Variants in SCD5 observed in about 807,000 individuals in gnomAD.
SCD5 encodes acyl-CoA-desaturase 4.
A neutral mutation model predicts 30.4 loss-of-function variants in SCD5; 20 were observed. That is an observed-to-expected ratio of 0.66 (90% confidence interval 0.46 to 0.96). The LOEUF (loss-of-function observed/expected upper bound fraction) is 0.96, where lower values mean the gene tolerates loss of function less well. Ranked by LOEUF, SCD5 falls within the 40% of genes least tolerant of loss-of-function variation. The probability of loss-of-function intolerance (pLI) is 0.00; values close to 1 mark genes in which losing one functional copy is unlikely to be tolerated. For missense variants in SCD5, 381 were observed against 443.3 expected (o/e 0.86, Z 1.26); for synonymous variants, 173 against 176.4 (o/e 0.98, Z 0.16).
In SCD5 at chr4:82,746,036, T is replaced by C. The variant is rs145922856; in HGVS notation, c.233-40623A>G. Among the ~76,000 whole-genome samples the C allele has an allele frequency of 6.8e-3, 1,029 of 152,364 alleles. 16 individuals carry two copies. The highest frequency in any genetic ancestry group is 0.024 in the African/African-American group (979 of 41,574). On this transcript the variant is annotated intron_variant, in intron 1 of 4. Coordinates refer to ENST00000319540, the MANE Select transcript of SCD5 (RefSeq NM_001037582.3). ...AATGACTTAATATCTATAAAGGGCA[T>C]AGAGCAGTGCCTGGCTCACAATAAG...
At chr4:82,656,861 G>A (rs2148815898) in intron 3 of SCD5, among the ~76,000 whole-genome samples, 1 of 152,152 alleles carries the variant, frequency 6.6e-6, no homozygotes, top group East Asian at 1.9e-4. Context: ...GTGATAATGA[G>A]CTTTTTTTCA....
At chr4:82,653,283 G>C (rs1171930190) in intron 3 of SCD5, among the ~76,000 whole-genome samples, 1 of 152,154 alleles carries the variant, frequency 6.6e-6, no homozygotes, top group Non-Finnish European at 1.5e-5. Flanking sequence ...CTCTTTTCCT[G>C]GTAGTTGGTG....
chr4:82,777,702 T>A (rs533170755), intron 1 of SCD5, among the ~76,000 whole-genome samples: 1 of 152,288 alleles, frequency 6.6e-6, no homozygotes, highest in African/African-American at 2.4e-5. Flanking sequence ...TGGGAAAGTA[T>A]CTTGGTCGCC....
intron 1 of SCD5, among the ~76,000 whole-genome samples, chr4:82,765,032 AT>A (rs1176242856): frequency 6.6e-6 from 1 of 152,140 alleles, no homozygotes; most frequent in African/African-American, 2.4e-5. Flanking sequence ...CGGCTAAGAT[AT>A]TTTTAAAATA....
At chr4:82,688,634 G>T (rs1275913645) in intron 2 of SCD5, among the ~76,000 whole-genome samples, 2 of 152,144 alleles carry the variant, frequency 1.3e-5, no homozygotes, top group Non-Finnish European at 2.9e-5. Flanking sequence ...CACACCACCT[G>T]GCAAATTGTG....
chr4:82,794,239 A>C lies in SCD5; in HGVS notation c.232+4067T>G, dbSNP rs886847976. Among the ~76,000 whole-genome samples, 17 of 152,356 alleles carry C rather than the reference A, an allele frequency of 1.1e-4. No individual in the cohort carries two copies. In the East Asian group the frequency reaches 3.1e-3, roughly 28 times the overall value. On this transcript the variant is annotated intron_variant, in intron 1 of 4. Transcript: ENST00000319540. ...CTTAACAATGGTCACGTTTGCGCCAAGACAGGATAGAAGGATGGCTGATCT... is the reference window on the plus strand; with the variant it reads ...CTTAACAATGGTCACGTTTGCGCCACGACAGGATAGAAGGATGGCTGATCT...
chr4:82,636,863 A>G, intron 3 of SCD5, 40 bp from the exon 4 acceptor site: 1 of 1,520,848 alleles, frequency 6.6e-7, no homozygotes, highest in East Asian at 2.4e-5. Flanking sequence ...GGACCCGCTG[A>G]TGGGAGAGAG....
At chr4:82,796,092 A>C (rs1394350508) in intron 1 of SCD5, among the ~76,000 whole-genome samples, 1 of 151,838 alleles carries the variant, frequency 6.6e-6, no homozygotes. Flanking sequence ...AACACGGTGA[A>C]ACCCCATCTC....
At chr4:82,679,004 C>A (rs1206775315) in intron 3 of SCD5, among the ~76,000 whole-genome samples, 1 of 151,660 alleles carries the variant, frequency 6.6e-6, no homozygotes, top group Non-Finnish European at 1.5e-5. Flanking sequence ...TCAAGACCAG[C>A]CTGGCCAATA....
intron 1 of SCD5, among the ~76,000 whole-genome samples, chr4:82,732,965 T>G (rs903500747): frequency 6.6e-6 from 1 of 151,882 alleles, no homozygotes; most frequent in Non-Finnish European, 1.5e-5. Context: ...AAAGAGGAGG[T>G]GGAGTGGTTC....
intron 4 of SCD5, among the ~76,000 whole-genome samples, chr4:82,634,362 CA>C (rs35974252): frequency 0.26 from 39,464 of 151,766 alleles, 6,053 homozygotes; most frequent in African/African-American, 0.43. Flanking sequence ...TACTAGTCAT[CA>C]CATAGTTCTG....
chr4:82,658,547 A>ACCTCTGC (rs1727914866), intron 3 of SCD5, among the ~76,000 whole-genome samples: 1 of 142,052 alleles, frequency 7.0e-6, no homozygotes, highest in Non-Finnish European at 1.5e-5. Context: ...GCTCACTGCA[A>ACCTCTGC]CCTCTGCCTC....
intron 1 of SCD5, among the ~76,000 whole-genome samples, chr4:82,754,054 G>C (rs548904258): frequency 6.6e-6 from 1 of 152,100 alleles, no homozygotes; most frequent in African/African-American, 2.4e-5. Context: ...AGACTCGCCC[G>C]AAAAATGAGA....
chr4:82,700,203 T>A (rs1380323965), intron 2 of SCD5, among the ~76,000 whole-genome samples: 1 of 151,342 alleles, frequency 6.6e-6, no homozygotes, highest in African/African-American at 2.4e-5. Flanking sequence ...TGCAACAGAG[T>A]GGGACTCCAT....
rs143290551 is a variant in SCD5, at chr4:82,675,082, A to T, written c.569+5625T>A. ...ATTATATATTTGTCCAAACCCATGG[A>T]CTATACAACACCAACATGAATCCTG... On this transcript the variant is annotated intron_variant, in intron 3 of 4. Coordinates refer to ENST00000319540, the MANE Select transcript of SCD5 (RefSeq NM_001037582.3). Among the ~76,000 whole-genome samples, 466 of 152,304 alleles carry T rather than the reference A, an allele frequency of 3.1e-3. 1 individual carries two copies. Among genetic ancestry groups the T allele is most frequent in the Middle Eastern group, 0.024 (7 of 294 alleles).
At chr4:82,706,044 A>G (rs1038805962) in intron 1 of SCD5, among the ~76,000 whole-genome samples, 3 of 152,246 alleles carry the variant, frequency 2.0e-5, no homozygotes, top group Non-Finnish European at 4.4e-5. Context: ...GTTAAAAGCA[A>G]AACACAAACA....
intron 1 of SCD5, among the ~76,000 whole-genome samples, chr4:82,714,907 T>C (rs996814382): frequency 6.7e-6 from 1 of 149,224 alleles, no homozygotes; most frequent in Non-Finnish European, 1.5e-5. Context: ...GCTAGAGAGA[T>C]AGAACTGATC....
At chr4:82,721,006 A>T (rs1720358826) in intron 1 of SCD5, among the ~76,000 whole-genome samples, 1 of 152,102 alleles carries the variant, frequency 6.6e-6, no homozygotes, top group East Asian at 1.9e-4. Context: ...ATTAAAAATA[A>T]AAAAGCTGGG....
chr4:82,653,036 C>T (rs1221014318), intron 3 of SCD5, among the ~76,000 whole-genome samples: 1 of 151,976 alleles, frequency 6.6e-6, no homozygotes, highest in Non-Finnish European at 1.5e-5. Context: ...GCCTGTAGTC[C>T]TGGCTACTTG....
Sources: allele counts gnomAD v4.1 joint callset (sites outside exome capture counted in the v4.1 genomes callset), GRCh38; gene constraint gnomAD v4.1.1; transcripts MANE v1.5; gene names NCBI Gene and HGNC (gene_info 2026-07-23, HGNC 2026-07-21).